ULK4: variants seen among roughly 807,000 people sequenced by gnomAD.
ULK4 encodes the protein unc-51 like kinase 4.
In ULK4, 133 loss-of-function variants were observed where a neutral mutation model predicts 160.6. The ratio of observed to expected loss-of-function variants is 0.83; its 90% CI spans 0.72 to 0.96. The LOEUF is 0.96. Ranked by LOEUF, ULK4 falls within the 40% of genes least tolerant of loss-of-function variation. The probability of loss-of-function intolerance (pLI) is 0.00; values close to 1 mark genes in which losing one functional copy is unlikely to be tolerated. For missense variants in ULK4, 1,580 were observed against 1,499.5 expected, an observed-to-expected ratio of 1.05 and a Z score of -0.89; for synonymous variants, 534 against 539.8, an observed-to-expected ratio of 0.99 and a Z score of 0.15.
At chr3:41,563,147 G>C (rs2087658665) in intron 32 of ULK4, among the ~76,000 whole-genome samples, 1 of 152,140 alleles carries the variant, frequency 6.6e-6, no homozygotes, top group South Asian at 2.1e-4. Flanking sequence ...GGAAATTCTG[G>C]ATTGAAAATT....
chr3:41,346,359 T>C (rs2080800183), intron 35 of ULK4, among the ~76,000 whole-genome samples: 1 of 152,240 alleles, frequency 6.6e-6, no homozygotes, highest in Non-Finnish European at 1.5e-5. Flanking sequence ...AAGTTCCTAT[T>C]GTCTCCTCAT....
At chr3:41,365,899 T>G (rs1342782210) in intron 35 of ULK4, among the ~76,000 whole-genome samples, 1 of 152,108 alleles carries the variant, frequency 6.6e-6, no homozygotes, top group Non-Finnish European at 1.5e-5. Context: ...ATTAAAGACA[T>G]AAATCAAGTT....
At chr3:41,677,460 T>G (rs1269105053) in intron 29 of ULK4, among the ~76,000 whole-genome samples, 1 of 151,494 alleles carries the variant, frequency 6.6e-6, no homozygotes. Flanking sequence ...GCCTCCCGAG[T>G]AGCTAGGACT....
intron 8 of ULK4, among the ~76,000 whole-genome samples, chr3:41,915,664 A>C (rs1698941822): frequency 6.6e-6 from 1 of 152,194 alleles, no homozygotes; most frequent in African/African-American, 2.4e-5. Context: ...AAAATACAAG[A>C]AATGGTACCT....
chr3:41,637,203 C>T (rs1298364519), intron 30 of ULK4, among the ~76,000 whole-genome samples: 4 of 152,134 alleles, frequency 2.6e-5, no homozygotes, highest in Non-Finnish European at 5.9e-5. Flanking sequence ...AACCTTCTAC[C>T]TCCTTCCCTC....
chr3:41,951,300 T>C (rs1157408486), intron 2 of ULK4, among the ~76,000 whole-genome samples: 1 of 151,564 alleles, frequency 6.6e-6, no homozygotes, highest in East Asian at 1.9e-4. Flanking sequence ...GCAATTCTTA[T>C]CAAAATCCCA....
chr3:41,268,481 G>A (rs1026882801), intron 35 of ULK4, among the ~76,000 whole-genome samples: 3 of 152,132 alleles, frequency 2.0e-5, no homozygotes, highest in African/African-American at 7.2e-5. Flanking sequence ...GGCTGCCCAA[G>A]GCAGAGAGGT....
intron 35 of ULK4, among the ~76,000 whole-genome samples, chr3:41,317,592 T>G (rs912781022): frequency 2.0e-5 from 3 of 152,148 alleles, no homozygotes; most frequent in Non-Finnish European, 2.9e-5. Flanking sequence ...CAGTTCCAGA[T>G]GCATGTTCCT....
chr3:41,560,446 C>T (rs960535897), intron 32 of ULK4, among the ~76,000 whole-genome samples: 1 of 152,162 alleles, frequency 6.6e-6, no homozygotes, highest in African/African-American at 2.4e-5. Flanking sequence ...CTATAAATTA[C>T]CTTGGGCAGT....
chr3:41,865,612 G>A (rs930306147), intron 17 of ULK4, among the ~76,000 whole-genome samples: 1 of 151,996 alleles, frequency 6.6e-6, no homozygotes, highest in Non-Finnish European at 1.5e-5. Context: ...TGGCCCATCG[G>A]AAAGTTCCAC....
At chr3:41,530,066 C>T (rs1275120207) in intron 32 of ULK4, among the ~76,000 whole-genome samples, 4 of 151,980 alleles carry the variant, frequency 2.6e-5, no homozygotes, top group Admixed American at 6.6e-5. Flanking sequence ...TGCACAACCT[C>T]GTGAATATAC....
At chr3:41,454,584 A>G (rs1242874774) in intron 34 of ULK4, among the ~76,000 whole-genome samples, 1 of 151,944 alleles carries the variant, frequency 6.6e-6, no homozygotes, top group African/African-American at 2.4e-5. Context: ...AAAAGATGAT[A>G]GAATTAATTG....
At chr3:41,685,039 T>C (rs1419911988) in intron 27 of ULK4, among the ~76,000 whole-genome samples, 1 of 151,970 alleles carries the variant, frequency 6.6e-6, no homozygotes, top group Non-Finnish European at 1.5e-5. Flanking sequence ...TCACAATGGC[T>C]GCCTGGGTTC....
At chr3:41,961,528 CA>C (rs1461330887) in intron 1 of ULK4, among the ~76,000 whole-genome samples, 2 of 141,556 alleles carry the variant, frequency 1.4e-5, no homozygotes, top group Non-Finnish European at 3.0e-5. Context: ...ATCACAGACT[CA>C]GGGGCGCTAC....
intron 30 of ULK4, among the ~76,000 whole-genome samples, chr3:41,656,824 T>C (rs1392527025): frequency 6.6e-6 from 1 of 152,162 alleles, no homozygotes. Flanking sequence ...ATAAACAATT[T>C]TTTTTTTGCA....
chr3:41,359,156 A>C (rs2081082217), intron 35 of ULK4, among the ~76,000 whole-genome samples: 1 of 152,168 alleles, frequency 6.6e-6, no homozygotes, highest in Non-Finnish European at 1.5e-5. Flanking sequence ...GCCATGACTA[A>C]GGCGAACAGG....
At position 41,777,941 on chromosome 3, in the gene ULK4, C is replaced by T. The variant is rs2039692032; in HGVS notation, c.2193+11720G>A. 1.4e-5 allele frequency among the ~76,000 whole-genome samples: 2 copies of T among 139,272 alleles called. 1 individual carries two copies. The highest frequency in any genetic ancestry group is 3.1e-5 in the Non-Finnish European group (2 of 64,272). 91.4% of individuals were successfully genotyped at this position (139,272 alleles called of 152,430 possible). The stretch of plus-strand genomic sequence containing the variant: ...CTGGCACAAGACAGGGATGCCCTCT[C>T]TCACCACTCCTATTCAACATAGTGT... On this transcript the variant is annotated intron_variant, in intron 21 of 36. Coordinates refer to ENST00000301831, the MANE Select transcript of ULK4 (RefSeq NM_017886.4).
At chr3:41,850,781 T>C (rs1240044261) in intron 17 of ULK4, among the ~76,000 whole-genome samples, 1 of 152,224 alleles carries the variant, frequency 6.6e-6, no homozygotes, top group Non-Finnish European at 1.5e-5. Flanking sequence ...TGATGGTAGC[T>C]GCTGTTGCTG....
At chr3:41,603,942 A>G (rs2032244292) in intron 31 of ULK4, among the ~76,000 whole-genome samples, 1 of 152,260 alleles carries the variant, frequency 6.6e-6, no homozygotes, top group Admixed American at 6.5e-5. Context: ...TATTCAATAG[A>G]TGCATATTGA....
Sources: allele counts gnomAD v4.1 joint callset (sites outside exome capture counted in the v4.1 genomes callset), GRCh38; gene constraint gnomAD v4.1.1; transcripts MANE v1.5; gene names NCBI Gene and HGNC (gene_info 2026-07-23, HGNC 2026-07-21).